RAB1B: variants seen among roughly 807,000 people sequenced by gnomAD.
The protein encoded by RAB1B is RAB1B, member RAS oncogene family.
A neutral mutation model predicts 24.8 loss-of-function variants in RAB1B; 10 were observed. The ratio of observed to expected loss-of-function variants is 0.40; its 90% CI spans 0.25 to 0.68. RAB1B has a LOEUF of 0.68. RAB1B is among the 30% of genes least tolerant of loss of function. The probability of loss-of-function intolerance (pLI) is 0.37; values close to 1 mark genes in which losing one functional copy is unlikely to be tolerated. For missense variants in RAB1B, 154 were observed against 271.2 expected (o/e 0.57, Z 3.04); for synonymous variants, 99 against 111.7 (o/e 0.89, Z 0.72).
In RAB1B at chr11:66,276,330, G is replaced by C; in HGVS notation, c.*92G>C. 7.9e-7 allele frequency: 1 copy of C among 1,264,172 alleles called. No homozygotes were observed. The highest frequency in any genetic ancestry group is 1.1e-6 in the Non-Finnish European group (1 of 940,550). 78.3% of individuals were successfully genotyped at this position (1,264,172 alleles called of 1,614,324 possible). ...GGTACCTCCCTCTCCCTCTCCTGGGGCATTTGAGTCTGTGGCTTTGGGGTG... is the reference window on the plus strand; with the variant it reads ...GGTACCTCCCTCTCCCTCTCCTGGGCCATTTGAGTCTGTGGCTTTGGGGTG... On this transcript the variant is annotated 3_prime_UTR_variant, in exon 6 of 6. Coordinates refer to ENST00000311481, the MANE Select transcript of RAB1B (RefSeq NM_030981.3).
intron 1 of RAB1B, chr11:66,271,596 G>A (rs566230261): frequency 9.9e-5 from 42 of 423,648 alleles, no homozygotes; most frequent in South Asian, 9.1e-4. Context: ...CTTTGAGCCC[G>A]CAAGGTAGAG....
intron 4 of RAB1B, 120 bp downstream of exon 4, chr11:66,272,580 T>A: frequency 1.5e-6 from 1 of 645,502 alleles, no homozygotes; most frequent in Non-Finnish European, 2.6e-6. Context: ...ATTTGTCTGC[T>A]TACAGGAACT....
intron 4 of RAB1B, among the ~76,000 whole-genome samples, chr11:66,274,631 G>A (rs533354995): frequency 2.0e-4 from 30 of 152,152 alleles, no homozygotes; most frequent in Admixed American, 7.2e-4. Context: ...CCTAAGAAAC[G>A]CCCACTGGCT....
intron 4 of RAB1B, among the ~76,000 whole-genome samples, chr11:66,273,804 G>A (rs1170994687): frequency 2.6e-5 from 4 of 152,100 alleles, no homozygotes; most frequent in African/African-American, 9.7e-5. Flanking sequence ...TGCTTGGAGA[G>A]GTGTTAAGTA....
rs1345519089 is a variant in RAB1B at position 66,272,534 on chromosome 11, A to T, written c.279+74A>T. The T allele has an allele frequency of 1.4e-5, 14 of 976,372 alleles. No individual in the cohort carries two copies. The East Asian group carries it at 3.2e-4, about 22-fold the overall frequency. The allele number at this position is 976,372 out of a possible 1,614,324, so 60.5% of individuals were successfully genotyped here. On this transcript the variant is annotated intron_variant, in intron 4 of 5. Coordinates refer to ENST00000311481, the MANE Select transcript of RAB1B (RefSeq NM_030981.3). ...TTTGACTCTTCTTTTTCCTCCTTCC[A>T]TCCTCTCTTTCCTGATGCTTCCTGG... is the stretch of plus-strand genomic sequence containing the variant.
At chr11:66,272,077 G>A in intron 2 of RAB1B, 80 bp from the exon 3 acceptor site, 2 of 1,115,478 alleles carry the variant, frequency 1.8e-6, no homozygotes, top group South Asian at 2.5e-5. Context: ...ACCCAGCTGG[G>A]GCAGGGAACT....
In RAB1B at chr11:66,275,888, A is replaced by G; in HGVS notation, c.364A>G (p.Lys122Glu). Residue 122 changes from lysine to glutamate, a missense_variant, in exon 5 of 6, where the codon AAG becomes GAG. This residue lies in a region of RAB1B where 77 missense variants were observed against 173.4 expected (regional missense o/e 0.44). Coordinates refer to ENST00000311481, the MANE Select transcript of RAB1B (RefSeq NM_030981.3). ...ENVNKLLVGNKSDLTTKKVVD... is the reference protein window; with the variant it reads ...ENVNKLLVGNESDLTTKKVVD... ...CGTCAATAAGCTCCTGGTGGGCAACAAGAGCGACCTCACCACCAAGAAGGT... is the reference window on the plus strand; with the variant it reads ...CGTCAATAAGCTCCTGGTGGGCAACGAGAGCGACCTCACCACCAAGAAGGT... 6.2e-7 allele frequency: 1 copy of G among 1,609,050 alleles called. No homozygotes were observed. Among genetic ancestry groups the G allele is most frequent in the Non-Finnish European group, 8.5e-7 (1 of 1,178,422 alleles).
chr11:66,271,593 C>T, intron 1 of RAB1B: 1 of 467,972 alleles, frequency 2.1e-6, no homozygotes, highest in Non-Finnish European at 3.8e-6. Flanking sequence ...TCACTTTGAG[C>T]CCGCAAGGTA....
chr11:66,276,478 T>G lies in RAB1B; in HGVS notation c.*240T>G. On this transcript the variant is annotated 3_prime_UTR_variant, in exon 6 of 6. Transcript: ENST00000311481. ...GGCAGGGCGGAGGCCTGCTGTGCTG[T>G]TGCCTCTAGGTGACTTTCCAAGATG... 1 of 503,028 alleles carries G rather than the reference T, an allele frequency of 2.0e-6. No individual in the cohort carries two copies. Among genetic ancestry groups the G allele is most frequent in the Non-Finnish European group, 3.5e-6 (1 of 287,984 alleles). 31.2% of individuals were successfully genotyped at this position (503,028 alleles called of 1,614,324 possible). A position where few individuals can be genotyped will look rare whatever the true frequency, so the allele number is the denominator to read the frequency against.
Position 66,276,254 on chromosome 11 carries a change from T to C in RAB1B, c.*16T>C. The C allele has an allele frequency of 6.4e-7, 1 of 1,568,214 alleles. No individual in the cohort carries two copies. The highest frequency in any genetic ancestry group is 2.3e-5 in the East Asian group (1 of 43,872). ...CTGTTGCTAGGAGGGGCACATGGAGTGGGACAGGAGGGGGCACCTTCTCCA... is the reference window on the plus strand; with the variant it reads ...CTGTTGCTAGGAGGGGCACATGGAGCGGGACAGGAGGGGGCACCTTCTCCA... On this transcript the variant is annotated 3_prime_UTR_variant, in exon 6 of 6. Transcript: ENST00000311481.
intron 4 of RAB1B, among the ~76,000 whole-genome samples, chr11:66,273,588 C>G (rs1857095974): frequency 1.3e-5 from 2 of 152,216 alleles, no homozygotes; most frequent in South Asian, 4.1e-4. Flanking sequence ...CCTGGACTCT[C>G]CTCCTTACTC....
Position 66,268,688 on chromosome 11 carries a change from C to T in RAB1B, c.9C>T (p.Pro3=), listed in dbSNP as rs1267336357. The T allele has an allele frequency of 1.9e-6, 3 of 1,570,676 alleles. No individual in the cohort carries two copies. Among genetic ancestry groups the T allele is most frequent in the African/African-American group, 1.4e-5 (1 of 73,874 alleles). The change falls in exon 1 of 6, where the codon CCC becomes CCT. Residue 3 remains proline, a synonymous_variant. Coordinates refer to ENST00000311481, the MANE Select transcript of RAB1B (RefSeq NM_030981.3). ...GGGCCGCCGCCGCCGCCATGAACCC[C>T]GAATAGTGAGTGAGCCCCGCCCGCG... MN[P]EYDYLFKLLL... is the part of the protein sequence containing the mutation.
At chr11:66,272,321 C>T in intron 3 of RAB1B, 44 bp from the exon 4 acceptor site, 1 of 1,604,102 alleles carries the variant, frequency 6.2e-7, no homozygotes, top group South Asian at 1.1e-5. Flanking sequence ...GACTCTGGGA[C>T]TCTGGACCTC....
At chr11:66,274,541 A>G (rs1857110920) in intron 4 of RAB1B, among the ~76,000 whole-genome samples, 1 of 151,984 alleles carries the variant, frequency 6.6e-6, no homozygotes, top group South Asian at 2.1e-4. Flanking sequence ...AGCCATTCCC[A>G]GTTGGTCTCT....
In RAB1B at chr11:66,274,262, C is replaced by G. The variant is rs993978351; in HGVS notation, c.280-1542C>G. On this transcript the variant is annotated intron_variant, in intron 4 of 5. Coordinates refer to ENST00000311481, the MANE Select transcript of RAB1B (RefSeq NM_030981.3). Reference sequence around the variant, plus strand: ...ATCATCTTTCTGAAATCTGTCCCCTCATAATAATAGCAGTGATGAGGATAA... The same window carrying G: ...ATCATCTTTCTGAAATCTGTCCCCTGATAATAATAGCAGTGATGAGGATAA... 2.6e-5 allele frequency among the ~76,000 whole-genome samples: 4 copies of G among 152,170 alleles called. No individual in the cohort carries two copies. The East Asian group carries it at 7.7e-4, about 29-fold the overall frequency.
intron 1 of RAB1B, among the ~76,000 whole-genome samples, chr11:66,269,040 C>G (rs893096375): frequency 1.1e-4 from 16 of 152,068 alleles, no homozygotes; most frequent in Non-Finnish European, 2.1e-4. Flanking sequence ...ACAACTGTCC[C>G]GGAGTTTTGG....
At chr11:66,275,671 C>A in intron 4 of RAB1B, 133 bp from the exon 5 acceptor site, 1 of 954,444 alleles carries the variant, frequency 1.0e-6, no homozygotes, top group Non-Finnish European at 1.5e-6. Context: ...GCTTCCTCTG[C>A]ATCTCTGCAT....
At chr11:66,271,694 A>C in intron 1 of RAB1B, 103 bp from the exon 2 acceptor site, 1 of 801,656 alleles carries the variant, frequency 1.2e-6, no homozygotes, top group Non-Finnish European at 2.2e-6. Context: ...AAAATAAACC[A>C]AGGGATGCCT....
rs1046161460 is a variant in RAB1B at position 66,272,449 on chromosome 11, G to A, written c.268G>A (p.Val90Ile). ...TCATGGCATCATCGTGGTGTATGAC[G>A]TCACTGACCAGGTACTCCTGGACTA... ...GAHGIIVVYD[V>I]TDQESYANVK... The change falls in exon 4 of 6, where the codon GTC becomes ATC. Residue 90 changes from valine to isoleucine, a missense_variant. Val to Ile is a conservative substitution (Grantham distance 29). This residue lies in a region of RAB1B where 77 missense variants were observed against 173.4 expected (regional missense o/e 0.44). Transcript: ENST00000311481. 2.5e-6 allele frequency: 4 copies of A among 1,590,696 alleles called. No individual in the cohort carries two copies. The highest frequency in any genetic ancestry group is 3.4e-6 in the Non-Finnish European group (4 of 1,166,560).
Sources: gnomAD v4.1 joint callset for allele counts (sites outside exome capture counted in the v4.1 genomes callset) on GRCh38, gnomAD v4.1.1 for gene constraint, gnomAD v4.1.1 regional missense constraint, MANE v1.5 for transcripts, NCBI Gene and HGNC (gene_info 2026-07-23, HGNC 2026-07-21) for gene names.